DPH7: variants seen among roughly 807,000 people sequenced by gnomAD.
DPH7 encodes the protein diphthine methyltransferase.
DPH7 carries 44 observed loss-of-function variants against 41.7 expected under a neutral mutation model. The observed-to-expected ratio is 1.05, with a 90% CI of 0.83 to 1.36. DPH7 has a LOEUF of 1.36. Among genes scored for constraint, DPH7 ranks in the 40% most tolerant of loss-of-function variants. DPH7 has a pLI of 0.00. For missense variants in DPH7, 629 were observed against 577.5 expected (o/e 1.09, Z -0.91); for synonymous variants, 275 against 238.0 (o/e 1.16, Z -1.43).
chr9:137,578,569 G>A, intron 1 of DPH7, 56 bp downstream of exon 1: 1 of 1,411,392 alleles, frequency 7.1e-7, no homozygotes, highest in Non-Finnish European at 9.2e-7. Flanking sequence ...TGCGCCTTTC[G>A]GCCTCAACCT....
At position 137,572,129 on chromosome 9, in the gene DPH7, AGGT is replaced by A. The variant is rs1166312060; in HGVS notation, c.640+2076_640+2078del. Among the ~76,000 whole-genome samples the A allele has an allele frequency of 3.3e-5, 5 of 152,146 alleles. No homozygotes were observed. The East Asian group carries it at 9.6e-4, about 29-fold the overall frequency. ...GCAGAGGCAGCGTGAGCCACGGCGG[AGGT>A]GAGGCCTGCCTGGGGTGGAAGGACA... On this transcript the variant is annotated intron_variant, in intron 5 of 8. Coordinates refer to ENST00000277540, the MANE Select transcript of DPH7 (RefSeq NM_138778.5).
chr9:137,578,347 T>TG lies in DPH7; in HGVS notation c.153+277_153+278insC, dbSNP rs570013741. Among the ~76,000 whole-genome samples, 992 of 152,226 alleles carry TG rather than the reference T, an allele frequency of 6.5e-3. 11 individuals carry two copies. Among genetic ancestry groups the TG allele is most frequent in the Non-Finnish European group, 8.2e-3 (558 of 68,006 alleles). On this transcript the variant is annotated intron_variant, in intron 1 of 8. Transcript: ENST00000277540. ...CCCGGCTAATTGTTTTGTATTTTTT[T>TG]AGTAGAGACGGGGTTTCACCATGTT...
At position 137,556,784 on chromosome 9, in the gene DPH7, G is replaced by A. The variant is rs1249096038; in HGVS notation, c.950-1136C>T. On this transcript the variant is annotated intron_variant, in intron 8 of 8. Transcript: ENST00000277540. This position sits in a 1 kb window ranked among gnomAD's most constrained non-coding sequence, Gnocchi z 5.2. ...CTTTCATCCAGCAATCGCTCAACAC[G>A]TCCACTCGGGCCAGCAGGACCTCTT... 1.1e-4 allele frequency: 49 copies of A among 455,950 alleles called. No individual in the cohort carries two copies. The highest frequency in any genetic ancestry group is 1.2e-4 in the South Asian group (8 of 64,524). 28.2% of individuals were successfully genotyped at this position (455,950 alleles called of 1,614,324 possible).
At chr9:137,577,368 G>A (rs1468975555) in intron 2 of DPH7, 102 bp downstream of exon 2, 5 of 1,214,940 alleles carry the variant, frequency 4.1e-6, no homozygotes, top group Non-Finnish European at 5.9e-6. Flanking sequence ...CAAATCCAAA[G>A]TTGAGATGCA....
intron 5 of DPH7, among the ~76,000 whole-genome samples, chr9:137,571,857 C>T (rs1411249500): frequency 6.6e-6 from 1 of 152,054 alleles, no homozygotes; most frequent in African/African-American, 2.4e-5. Context: ...GTTTAGTTTG[C>T]TAAAGTATTC....
chr9:137,558,325 T>C (rs1306966994), intron 8 of DPH7, among the ~76,000 whole-genome samples: 1 of 152,030 alleles, frequency 6.6e-6, no homozygotes, highest in East Asian at 1.9e-4. Context: ...TGTGTCCAGG[T>C]GGTCCGGGCT....
chr9:137,562,964 C>T (rs1188993881), intron 8 of DPH7, among the ~76,000 whole-genome samples: 1 of 147,710 alleles, frequency 6.8e-6, no homozygotes, highest in Non-Finnish European at 1.5e-5. Flanking sequence ...AAGACTCCAT[C>T]TCAAAAAAAA....
At position 137,564,480 on chromosome 9, in the gene DPH7, G is replaced by C; in HGVS notation, c.903C>G (p.Ala301=). 1 of 1,614,134 alleles carries C rather than the reference G, an allele frequency of 6.2e-7. No individual in the cohort carries two copies. The highest frequency in any genetic ancestry group is 2.2e-5 in the East Asian group (1 of 44,882). Residue 301 remains alanine (A), a synonymous_variant, in exon 8 of 9, where the codon GCC becomes GCG. Transcript: ENST00000277540. ...HPFHHHLLLA[A]CMHSGFKILN... ...GGATCTTAAAGCCACTGTGCATGCA[G>C]GCGGCCAGGAGCAGGTGGTGGTGGA...
chr9:137,558,732 C>T (rs1029630805), intron 8 of DPH7, among the ~76,000 whole-genome samples: 5 of 152,092 alleles, frequency 3.3e-5, no homozygotes, highest in African/African-American at 9.7e-5. Flanking sequence ...TTTTGAATGT[C>T]TTCTTTTATT....
intron 8 of DPH7, among the ~76,000 whole-genome samples, chr9:137,558,723 T>C (rs1000653290): frequency 2.0e-5 from 3 of 152,198 alleles, no homozygotes; most frequent in African/African-American, 7.2e-5. Flanking sequence ...TGCACAGTAT[T>C]TTGAATGTCT....
In DPH7 at chr9:137,574,838, G is replaced by C. The variant is rs1046859996; in HGVS notation, c.381C>G (p.Ser127Arg). 1 of 1,613,770 alleles carries C rather than the reference G, an allele frequency of 6.2e-7. No homozygotes were observed. The highest frequency in any genetic ancestry group is 8.5e-7 in the Non-Finnish European group (1 of 1,179,980). Residue 127 changes from serine (S) to arginine (R), a missense_variant, in exon 4 of 9, where the codon AGC becomes AGG. Coordinates refer to ENST00000277540, the MANE Select transcript of DPH7 (RefSeq NM_138778.5). ...QLLRLVESEK[S>R]HVLEPLSSLA... is the part of the protein sequence containing the mutation. ...GGCTGGACAATGGCTCCAGCACGTG[G>C]CTCTTCTACTGGAGAAGAAGAAACT... is the stretch of plus-strand genomic sequence containing the variant.
At chr9:137,577,923 T>C in intron 1 of DPH7, 1 of 975,276 alleles carries the variant, frequency 1.0e-6, no homozygotes, top group South Asian at 4.7e-5. Flanking sequence ...TCCTAATATG[T>C]ACCCACCAGA....
At position 137,574,358 on chromosome 9, in the gene DPH7, T is replaced by C; in HGVS notation, c.490A>G (p.Ile164Val). 1 of 1,614,094 alleles carries C rather than the reference T, an allele frequency of 6.2e-7. No homozygotes were observed. Among genetic ancestry groups the C allele is most frequent in the Non-Finnish European group, 8.5e-7 (1 of 1,180,002 alleles). ...TGCCCTGTGGAGTCACTGCTGATGA[T>C]CTTCAAGGGCTGGTCCCCGGCCCTA... ...TGRAGDQPLK[I>V]ISSDSTGQLH... Residue 164 changes from isoleucine to valine, a missense_variant, in exon 5 of 9, where the codon ATC becomes GTC. Ile to Val is a conservative substitution (Grantham distance 29). Transcript: ENST00000277540.
Position 137,577,616 on chromosome 9 carries a change from C to G in DPH7, c.154-13G>C, listed in dbSNP as rs758006129. The G allele has an allele frequency of 2.4e-5, 39 of 1,611,436 alleles. No homozygotes were observed. The Middle Eastern group carries it at 4.6e-3, about 191-fold the overall frequency. On this transcript the variant is annotated splice_polypyrimidine_tract_variant and intron_variant, in intron 1 of 8. Transcript: ENST00000277540. ...CTTCCATTCCACCCTACAAAAAATG[C>G]AGAGGTAGTCTCTGATTATCCCAAG...
At position 137,564,451 on chromosome 9, in the gene DPH7, T is replaced by A. The variant is rs193920785; in HGVS notation, c.932A>T (p.Asn311Ile). 1 of 1,613,452 alleles carries A rather than the reference T, an allele frequency of 6.2e-7. No homozygotes were observed. The highest frequency in any genetic ancestry group is 1.3e-5 in the African/African-American group (1 of 74,906). ...ACMHSGFKIL[N>I]CQKAMEERQE... ...CCACTCACCCATTGCCTTTTGGCAG[T>A]TGAGGATCTTAAAGCCACTGTGCAT... The change falls in exon 8 of 9, where the codon AAC (asparagine) becomes ATC (isoleucine). Residue 311 changes from asparagine (N) to isoleucine (I), a missense_variant. By Grantham distance (149) the Asn-to-Ile change is moderately radical. Coordinates refer to ENST00000277540, the MANE Select transcript of DPH7 (RefSeq NM_138778.5).
Position 137,574,137 on chromosome 9 carries a change from G to A in DPH7, c.640+71C>T, listed in dbSNP as rs1281035765. On this transcript the variant is annotated intron_variant, in intron 5 of 8. Coordinates refer to ENST00000277540, the MANE Select transcript of DPH7 (RefSeq NM_138778.5). ...AACTGGAATCACAGCTGTGGCACAG[G>A]CCTCCCTCTCTCCCTCCGCCCCTTC... 7 of 1,488,074 alleles carry A rather than the reference G, an allele frequency of 4.7e-6. No homozygotes were observed. The Admixed American group carries it at 7.0e-5, about 15-fold the overall frequency. The allele number at this position is 1,488,074 out of a possible 1,614,324, so 92.2% of individuals were successfully genotyped here.
At position 137,565,155 on chromosome 9, in the gene DPH7, C is replaced by A. The variant is rs755683079; in HGVS notation, c.641-1G>T. The A allele has an allele frequency of 6.2e-7, 1 of 1,613,690 alleles. No homozygotes were observed. Among genetic ancestry groups the A allele is most frequent in the African/African-American group, 1.3e-5 (1 of 75,048 alleles). ...CCCCTCAGAAGGCCATCGTCGCCCC[C>A]TGTGTGGAGAAAGAGAAGCATCAAC... On this transcript the variant is annotated splice_acceptor_variant, in intron 5 of 8. Coordinates refer to ENST00000277540, the MANE Select transcript of DPH7 (RefSeq NM_138778.5). LOFTEE classifies it high-confidence loss of function.
chr9:137,562,739 G>A (rs1838843399), intron 8 of DPH7, among the ~76,000 whole-genome samples: 1 of 151,618 alleles, frequency 6.6e-6, no homozygotes, highest in African/African-American at 2.4e-5. Flanking sequence ...GGCCAAGGTG[G>A]GCGGATCACC....
rs758977035 is a variant in DPH7 at position 137,555,472 on chromosome 9, G to A, written c.1126C>T (p.Pro376Ser). Reference protein sequence around the residue: ...DLKGASELPTPCHECREDNDG... With the variant: ...DLKGASELPTSCHECREDNDG... ...TTATCCTCTCTGCATTCATGACAGGGTGTTGGCAACTCGCTTGCACCCTTC... is the reference window on the plus strand; with the variant it reads ...TTATCCTCTCTGCATTCATGACAGGATGTTGGCAACTCGCTTGCACCCTTC... Residue 376 changes from proline to serine, a missense_variant, in exon 9 of 9, where the codon CCC (proline) becomes TCC (serine). Pro to Ser is a moderately conservative substitution (Grantham distance 74). Coordinates refer to ENST00000277540, the MANE Select transcript of DPH7 (RefSeq NM_138778.5). The A allele has an allele frequency of 5.6e-6, 9 of 1,614,134 alleles. No individual in the cohort carries two copies. The Admixed American group carries it at 1.0e-4, about 18-fold the overall frequency.
Sources: allele counts gnomAD v4.1 joint callset (sites outside exome capture counted in the v4.1 genomes callset), GRCh38; gene constraint gnomAD v4.1.1; non-coding constraint Gnocchi (gnomAD v3.1); transcripts MANE v1.5; gene names NCBI Gene and HGNC (gene_info 2026-07-23, HGNC 2026-07-21).